CHCHD6: variants seen among roughly 807,000 people sequenced by gnomAD.
CHCHD6 encodes MICOS complex subunit MIC25.
CHCHD6 carries 28 observed loss-of-function variants against 32.3 expected under a neutral mutation model. The observed-to-expected ratio is 0.87, with a 90% CI of 0.64 to 1.19. CHCHD6 has a LOEUF of 1.19. CHCHD6 is among the 50% of genes most tolerant of loss of function. CHCHD6 has a pLI of 0.00. For synonymous variants in CHCHD6, 122 were observed against 117.5 expected, an observed-to-expected ratio of 1.04 and a Z score of -0.25; for missense variants, 333 against 307.0, an observed-to-expected ratio of 1.08 and a Z score of -0.63.
intron 4 of CHCHD6, among the ~76,000 whole-genome samples, chr3:126,779,535 C>CAAAAAAAA (rs11288509): frequency 3.8e-5 from 3 of 78,094 alleles, no homozygotes; most frequent in East Asian, 4.3e-4. Context: ...GACTCCATCT[C>CAAAAAAAA]AAAAAAAAAA....
At chr3:126,894,010 C>A (rs1278571618) in intron 5 of CHCHD6, among the ~76,000 whole-genome samples, 2 of 152,254 alleles carry the variant, frequency 1.3e-5, no homozygotes, top group African/African-American at 4.8e-5. Context: ...CAGGGCTCTA[C>A]CCAGAAGAGC....
intron 4 of CHCHD6, among the ~76,000 whole-genome samples, chr3:126,823,424 T>C (rs2107537610): frequency 6.6e-6 from 1 of 152,338 alleles, no homozygotes. Context: ...ATGTTTCATA[T>C]ATTTCTCTGT....
chr3:126,715,662 A>G (rs1934973838), intron 1 of CHCHD6, among the ~76,000 whole-genome samples: 1 of 152,122 alleles, frequency 6.6e-6, no homozygotes, highest in Non-Finnish European at 1.5e-5. Flanking sequence ...ACAGAGATCA[A>G]TAATGTGGCT....
At chr3:126,862,073 T>C (rs1363969837) in intron 5 of CHCHD6, among the ~76,000 whole-genome samples, 2 of 29,312 alleles carry the variant, frequency 6.8e-5, no homozygotes, top group Non-Finnish European at 1.2e-4. Flanking sequence ...TCCTCCACCA[T>C]CACCACCTCC....
At chr3:126,838,026 T>TGGGGC (rs553331069) in intron 4 of CHCHD6, among the ~76,000 whole-genome samples, 355 of 152,234 alleles carry the variant, frequency 2.3e-3, no homozygotes, top group Non-Finnish European at 3.6e-3. Context: ...ACAGTGCAGA[T>TGGGGC]GGGGCGGGGG....
At chr3:126,859,885 G>A (rs1310701003) in intron 5 of CHCHD6, among the ~76,000 whole-genome samples, 5 of 152,200 alleles carry the variant, frequency 3.3e-5, no homozygotes, top group Non-Finnish European at 5.9e-5. Context: ...CGCTCATGCT[G>A]GCGTGAAGGC....
intron 4 of CHCHD6, among the ~76,000 whole-genome samples, chr3:126,814,265 G>A (rs1465041547): frequency 6.6e-6 from 1 of 152,160 alleles, no homozygotes; most frequent in Non-Finnish European, 1.5e-5. Flanking sequence ...AAAGGAATTT[G>A]TGTCTCTTTG....
intron 1 of CHCHD6, among the ~76,000 whole-genome samples, chr3:126,726,877 C>T (rs918123051): frequency 3.3e-5 from 5 of 152,106 alleles, no homozygotes; most frequent in African/African-American, 9.7e-5. Context: ...TATTGGTAGG[C>T]TTGGGAATCC....
intron 6 of CHCHD6, among the ~76,000 whole-genome samples, chr3:126,947,338 G>A (rs763385559): frequency 3.3e-5 from 5 of 152,232 alleles, no homozygotes; most frequent in Non-Finnish European, 2.9e-5. Flanking sequence ...GGAGCTTCCC[G>A]GCTGCCCAAT....
At chr3:126,714,076 C>T in intron 1 of CHCHD6, among the ~76,000 whole-genome samples, 1 of 28,882 alleles carries the variant, frequency 3.5e-5, no homozygotes, top group East Asian at 1.1e-3. Flanking sequence ...GACTGCATCT[C>T]AAAAAAAAAA....
At chr3:126,799,788 C>T (rs991780474) in intron 4 of CHCHD6, among the ~76,000 whole-genome samples, 6 of 152,296 alleles carry the variant, frequency 3.9e-5, no homozygotes, top group South Asian at 2.1e-4. Context: ...ACCCAGAATA[C>T]CACGGCCTGG....
chr3:126,874,435 G>GC (rs943893317), intron 5 of CHCHD6, among the ~76,000 whole-genome samples: 1 of 152,190 alleles, frequency 6.6e-6, no homozygotes, highest in Non-Finnish European at 1.5e-5. Context: ...AAGCAGCTGA[G>GC]CCCGTCAGGA....
chr3:126,717,188 G>A (rs1274903586), intron 1 of CHCHD6, among the ~76,000 whole-genome samples: 1 of 152,170 alleles, frequency 6.6e-6, no homozygotes, highest in Non-Finnish European at 1.5e-5. Context: ...GAAGGTGGGT[G>A]TGGCATTGTG....
chr3:126,808,754 T>A (rs1939525353), intron 4 of CHCHD6, among the ~76,000 whole-genome samples: 1 of 152,066 alleles, frequency 6.6e-6, no homozygotes, highest in African/African-American at 2.4e-5. Flanking sequence ...ACCTAATGAT[T>A]TTCTGTCAAA....
intron 4 of CHCHD6, among the ~76,000 whole-genome samples, chr3:126,838,444 T>C (rs1162590484): frequency 6.6e-6 from 1 of 152,226 alleles, no homozygotes; most frequent in Admixed American, 6.5e-5. Flanking sequence ...CAACAATGCC[T>C]GTTCAGCTCT....
At chr3:126,923,816 G>A (rs2078286467) in intron 6 of CHCHD6, among the ~76,000 whole-genome samples, 1 of 152,356 alleles carries the variant, frequency 6.6e-6, no homozygotes, top group South Asian at 2.1e-4. Flanking sequence ...GGTAGGTGTT[G>A]TTACATAGAA....
In CHCHD6 at chr3:126,870,198, A is replaced by G. The variant is rs187054750; in HGVS notation, c.495+17468A>G. 5.3e-5 allele frequency among the ~76,000 whole-genome samples: 8 copies of G among 152,358 alleles called. No individual in the cohort carries two copies. In the East Asian group the frequency reaches 1.3e-3, roughly 26 times the overall value. ...TATATGAACATGCCTACTAGAATGT[A>G]TACAGAGATATTCAGTCACTTCTTC... is the stretch of plus-strand genomic sequence containing the variant. On this transcript the variant is annotated intron_variant, in intron 5 of 7. Coordinates refer to ENST00000290913, the MANE Select transcript of CHCHD6 (RefSeq NM_032343.3).
At chr3:126,837,064 TATC>T (rs1940890268) in intron 4 of CHCHD6, among the ~76,000 whole-genome samples, 1 of 152,208 alleles carries the variant, frequency 6.6e-6, no homozygotes, top group Non-Finnish European at 1.5e-5. Flanking sequence ...TTTCCGACCT[TATC>T]ATCCTTGTGC....
intron 5 of CHCHD6, among the ~76,000 whole-genome samples, chr3:126,906,664 C>G (rs1223302877): frequency 6.6e-6 from 1 of 152,224 alleles, no homozygotes; most frequent in Non-Finnish European, 1.5e-5. Flanking sequence ...CAACAATACC[C>G]CTACCTTGTT....
Sources: allele counts gnomAD v4.1 joint callset (sites outside exome capture counted in the v4.1 genomes callset), GRCh38; gene constraint gnomAD v4.1.1; transcripts MANE v1.5; gene names NCBI Gene and HGNC (gene_info 2026-07-23, HGNC 2026-07-21).